The following METAP1 variants were observed in gnomAD, a reference collection of about 807,000 sequenced individuals.
METAP1 encodes methionine aminopeptidase 1.
Under a neutral mutation model 53.8 loss-of-function variants are expected in METAP1, and 28 were observed. The ratio of observed to expected loss-of-function variants is 0.52; its 90% CI spans 0.39 to 0.71. The LOEUF is 0.71. Among genes scored for constraint, METAP1 ranks in the 30% least tolerant of loss-of-function variants. The probability of loss-of-function intolerance (pLI) is 0.00; values close to 1 mark genes in which losing one functional copy is unlikely to be tolerated. For missense variants in METAP1, 389 were observed against 479.8 expected, an observed-to-expected ratio of 0.81 and a Z score of 1.77; for synonymous variants, 181 against 165.7, an observed-to-expected ratio of 1.09 and a Z score of -0.71.
intron 5 of METAP1, among the ~76,000 whole-genome samples, chr4:99,040,474 A>T (rs1245593178): frequency 2.8e-4 from 41 of 146,640 alleles, no homozygotes; most frequent in Admixed American, 2.4e-3. Flanking sequence ...TCATTCATCT[A>T]TTTTTTTTTT....
intron 1 of METAP1, chr4:99,023,737 G>C: frequency 2.0e-6 from 2 of 985,376 alleles, no homozygotes; most frequent in African/African-American, 3.5e-5. Context: ...AAGTCAGTGG[G>C]GCCTAAAATA....
rs779530889 is a variant in METAP1 at position 99,048,810 on chromosome 4, C to T, written c.865C>T (p.Arg289Ter). ...HAQANGFSVV[R>*]SYCGHGIHKL... ...CCAAGCAAATGGGTTTTCAGTTGTT[C>T]GAAGCTATTGTGGGCATGGAATCCA... Residue 289 changes from arginine (R) to a stop codon, truncating the protein, a stop_gained, in exon 9 of 11, where the codon CGA (arginine) becomes TGA (stop). Coordinates refer to ENST00000296411, the MANE Select transcript of METAP1 (RefSeq NM_015143.3). LOFTEE classifies it high-confidence loss of function. 1.9e-6 allele frequency: 3 copies of T among 1,613,926 alleles called. No individual in the cohort carries two copies. The highest frequency in any genetic ancestry group is 1.1e-5 in the South Asian group (1 of 91,078).
chr4:99,043,421 C>G (rs1259570231), intron 7 of METAP1, 34 bp downstream of exon 7: 2 of 1,553,406 alleles, frequency 1.3e-6, no homozygotes, highest in African/African-American at 1.4e-5. Context: ...TCACCATGGG[C>G]AAAGAAACAA....
At chr4:99,019,232 C>G (rs1160806283) in intron 1 of METAP1, among the ~76,000 whole-genome samples, 4 of 152,182 alleles carry the variant, frequency 2.6e-5, no homozygotes, top group Admixed American at 6.5e-5. Flanking sequence ...TAAGGAAGAA[C>G]AAGTAGCTCC....
intron 1 of METAP1, among the ~76,000 whole-genome samples, chr4:99,003,994 G>A (rs148104392): frequency 6.6e-6 from 1 of 152,292 alleles, no homozygotes; most frequent in Admixed American, 6.5e-5. Flanking sequence ...TTCAAGTTGG[G>A]GTTCTCATGG....
At chr4:99,054,990 C>T (rs1382583738) in intron 9 of METAP1, among the ~76,000 whole-genome samples, 2 of 151,966 alleles carry the variant, frequency 1.3e-5, no homozygotes, top group Non-Finnish European at 2.9e-5. Context: ...GTGAAAATTA[C>T]CAAATTGTGA....
rs1727619046 is a variant in METAP1, at chr4:99,062,632, G to C, written c.*1315G>C. ...CCTTATTGCTTTAAAATATAATAAT[G>C]TTTTCATTACTTTTATTATTTGAAT... On this transcript the variant is annotated 3_prime_UTR_variant, in exon 11 of 11. Transcript: ENST00000296411. 6.6e-6 allele frequency: 1 copy of C among 152,504 alleles called. No homozygotes were observed. The highest frequency in any genetic ancestry group is 1.9e-4 in the East Asian group (1 of 5,198). The allele number at this position is 152,504 out of a possible 1,614,324, so 9.4% of individuals were successfully genotyped here.
At chr4:99,030,881 T>C (rs1281793178) in intron 2 of METAP1, among the ~76,000 whole-genome samples, 2 of 151,988 alleles carry the variant, frequency 1.3e-5, no homozygotes, top group African/African-American at 2.4e-5. Context: ...CTGGTTTTGG[T>C]ATTGGAGCAA....
chr4:99,011,505 C>T (rs1247312260), intron 1 of METAP1, among the ~76,000 whole-genome samples: 1 of 152,138 alleles, frequency 6.6e-6, no homozygotes, highest in East Asian at 1.9e-4. Context: ...ATAAATTCCA[C>T]TTGGTCATGG....
chr4:99,022,212 A>G (rs1724161239), intron 1 of METAP1: 1 of 397,944 alleles, frequency 2.5e-6, no homozygotes, highest in African/African-American at 2.1e-5. Flanking sequence ...CTGGTCTAGA[A>G]ACACAATAAA....
intron 1 of METAP1, among the ~76,000 whole-genome samples, chr4:99,006,605 A>T (rs1038590906): frequency 1.4e-4 from 21 of 152,310 alleles, no homozygotes; most frequent in African/African-American, 4.8e-4. Context: ...TATTACACCT[A>T]AGAAGATTAA....
In METAP1 at chr4:99,039,167, A is replaced by G. The variant is rs78368922; in HGVS notation, c.341-207A>G. ...ATAGGTCTGAAAATTTATCTTTTAG[A>G]ATTTTTTCTTCAGTTGGTTTAGCGA... is the stretch of plus-strand genomic sequence containing the variant. On this transcript the variant is annotated intron_variant, in intron 4 of 10. Coordinates refer to ENST00000296411, the MANE Select transcript of METAP1 (RefSeq NM_015143.3). 5.6e-3 allele frequency: 2,273 copies of G among 407,210 alleles called. 47 individuals are homozygous for G. The highest frequency in any genetic ancestry group is 0.043 in the African/African-American group (2,091 of 48,544). The allele number at this position is 407,210 out of a possible 1,614,324, so 25.2% of individuals were successfully genotyped here.
At chr4:99,057,572 C>T (rs1409072728) in intron 9 of METAP1, among the ~76,000 whole-genome samples, 181 bp from the exon 10 acceptor site, 1 of 152,170 alleles carries the variant, frequency 6.6e-6, no homozygotes, top group Admixed American at 6.5e-5. Flanking sequence ...TAGGACAATA[C>T]GTGCACCATA....
At chr4:99,041,627 A>G (rs1435867768) in intron 6 of METAP1, among the ~76,000 whole-genome samples, 2 of 152,056 alleles carry the variant, frequency 1.3e-5, no homozygotes, top group African/African-American at 2.4e-5. Context: ...GAGTGTACAC[A>G]TTATATGAAT....
chr4:99,025,097 A>G (rs1724466196), intron 1 of METAP1, among the ~76,000 whole-genome samples: 1 of 152,238 alleles, frequency 6.6e-6, no homozygotes, highest in East Asian at 1.9e-4. Flanking sequence ...TAATAATGCC[A>G]GCCCATCTGC....
intron 1 of METAP1, among the ~76,000 whole-genome samples, chr4:99,011,895 G>A (rs1176410858): frequency 5.3e-5 from 8 of 152,124 alleles, no homozygotes; most frequent in East Asian, 1.9e-4. Context: ...AGCAGAGATC[G>A]CTCCATTTCA....
intron 1 of METAP1, among the ~76,000 whole-genome samples, chr4:99,018,793 A>C (rs903320443): frequency 6.6e-6 from 1 of 152,228 alleles, no homozygotes; most frequent in African/African-American, 2.4e-5. Context: ...GTCCATCTTT[A>C]ATAAGGCCTT....
chr4:99,043,431 A>G (rs1025125015), intron 7 of METAP1, 44 bp downstream of exon 7: 3 of 1,544,848 alleles, frequency 1.9e-6, no homozygotes, highest in African/African-American at 1.4e-5. Flanking sequence ...CAAAGAAACA[A>G]CAAAGCTTGG....
chr4:99,023,279 G>T, intron 1 of METAP1: 1 of 428,232 alleles, frequency 2.3e-6, no homozygotes, highest in Non-Finnish European at 3.4e-6. Flanking sequence ...GCTATAGTGA[G>T]CATTAAGTTG....
Sources: allele counts gnomAD v4.1 joint callset (sites outside exome capture counted in the v4.1 genomes callset), GRCh38; gene constraint gnomAD v4.1.1; transcripts MANE v1.5; gene names NCBI Gene and HGNC (gene_info 2026-07-23, HGNC 2026-07-21).